The following TRPM3 variants were observed in gnomAD, a reference collection of about 807,000 sequenced individuals.
TRPM3 encodes the protein transient receptor potential cation channel subfamily M member 3.
Under a neutral mutation model 181.2 loss-of-function variants are expected in TRPM3, and 77 were observed. The observed-to-expected ratio is 0.42, with a 90% CI of 0.35 to 0.51. TRPM3 has a LOEUF of 0.51. Among genes scored for constraint, TRPM3 ranks in the 20% least tolerant of loss-of-function variants. The pLI is 0.01. For missense variants in TRPM3, 1,759 were observed against 2,196.7 expected, an observed-to-expected ratio of 0.80 and a Z score of 3.98; for synonymous variants, 745 against 796.4, an observed-to-expected ratio of 0.94 and a Z score of 1.09.
chr9:71,290,834 C>A (rs2085744769), intron 1 of TRPM3, among the ~76,000 whole-genome samples: 1 of 150,150 alleles, frequency 6.7e-6, no homozygotes, highest in Non-Finnish European at 1.5e-5. Flanking sequence ...TGTATAGGAC[C>A]TAAAAGAATG....
At chr9:71,091,197 A>G (rs938421079) in intron 1 of TRPM3, among the ~76,000 whole-genome samples, 28 of 152,300 alleles carry the variant, frequency 1.8e-4, no homozygotes, top group Admixed American at 1.6e-3. Flanking sequence ...GTATGCTGAC[A>G]GCTTTTATTA....
At chr9:71,071,663 G>C (rs879448326) in intron 1 of TRPM3, among the ~76,000 whole-genome samples, 12 of 152,176 alleles carry the variant, frequency 7.9e-5, no homozygotes, top group Non-Finnish European at 1.6e-4. Context: ...CTTGGTAGTA[G>C]AGTGATTAGA....
intron 1 of TRPM3, among the ~76,000 whole-genome samples, chr9:71,316,861 C>T (rs1312031054): frequency 6.6e-6 from 1 of 152,032 alleles, no homozygotes; most frequent in South Asian, 2.1e-4. Context: ...TTAATCTCAT[C>T]GTAAAGAAAA....
intron 22 of TRPM3, among the ~76,000 whole-genome samples, chr9:70,590,705 T>C (rs2057971068): frequency 6.6e-6 from 1 of 152,158 alleles, no homozygotes; most frequent in Admixed American, 6.5e-5. Context: ...TTCCTGATAC[T>C]GAAATATTCA....
chr9:71,383,410 T>C (rs552739407), intron 1 of TRPM3, among the ~76,000 whole-genome samples: 4 of 152,258 alleles, frequency 2.6e-5, no homozygotes, highest in African/African-American at 9.6e-5. Flanking sequence ...CTGGCTTTTG[T>C]TGGGTTCAGC....
chr9:70,777,045 G>GGCTAACAAGTAGCTAACAAGTAGCCAAC (rs2081496345), intron 7 of TRPM3, among the ~76,000 whole-genome samples: 1 of 152,110 alleles, frequency 6.6e-6, no homozygotes, highest in South Asian at 2.1e-4. Context: ...TGTTGTTGTT[G>GGCTAACAAGTAGCTAACAAGTAGCCAAC]TTGTTGTTAA....
intron 12 of TRPM3, among the ~76,000 whole-genome samples, chr9:70,629,963 T>C (rs1337025015): frequency 6.6e-6 from 1 of 152,214 alleles, no homozygotes; most frequent in African/African-American, 2.4e-5. Flanking sequence ...GGGATAGGTG[T>C]CCTGCGTGGA....
chr9:71,367,169 T>C (rs924917228), intron 1 of TRPM3, among the ~76,000 whole-genome samples: 1 of 152,166 alleles, frequency 6.6e-6, no homozygotes, highest in African/African-American at 2.4e-5. Context: ...ATACTGGCAA[T>C]GCTTTACCCC....
intron 6 of TRPM3, among the ~76,000 whole-genome samples, chr9:70,818,775 TACAG>T (rs2092915029): frequency 6.6e-6 from 1 of 152,226 alleles, no homozygotes. Flanking sequence ...AGAGCTCTAA[TACAG>T]ACAATGACTT....
chr9:71,200,425 C>T (rs2078703703), intron 1 of TRPM3, among the ~76,000 whole-genome samples: 1 of 150,394 alleles, frequency 6.6e-6, no homozygotes, highest in Non-Finnish European at 1.5e-5. Context: ...TCCTGGGTAT[C>T]CTTGTTAACT....
chr9:71,438,987 T>C (rs781572877), intron 1 of TRPM3, among the ~76,000 whole-genome samples: 1 of 152,164 alleles, frequency 6.6e-6, no homozygotes, highest in Non-Finnish European at 1.5e-5. Context: ...TTTCAATACA[T>C]AAAGAATCCA....
At chr9:70,869,750 A>G (rs566464108) in intron 1 of TRPM3, among the ~76,000 whole-genome samples, 2 of 152,106 alleles carry the variant, frequency 1.3e-5, no homozygotes, top group South Asian at 4.2e-4. Context: ...TTCCTTATTA[A>G]AAAGAGGTGA....
chr9:71,278,574 T>C (rs1162293741), intron 1 of TRPM3, among the ~76,000 whole-genome samples: 2 of 152,202 alleles, frequency 1.3e-5, no homozygotes, highest in African/African-American at 4.8e-5. Flanking sequence ...GAAAAGTACA[T>C]ATGCAACATC....
chr9:71,158,427 T>A (rs1323673668), intron 1 of TRPM3, among the ~76,000 whole-genome samples: 1 of 152,178 alleles, frequency 6.6e-6, no homozygotes, highest in Non-Finnish European at 1.5e-5. Context: ...ACCCACTAGC[T>A]GTAGACCTGT....
At chr9:71,056,219 T>C (rs1174635351) in intron 1 of TRPM3, among the ~76,000 whole-genome samples, 1 of 152,004 alleles carries the variant, frequency 6.6e-6, no homozygotes, top group South Asian at 2.1e-4. Context: ...TATATTCTAG[T>C]GTTTACAAAG....
intron 1 of TRPM3, among the ~76,000 whole-genome samples, chr9:71,330,286 T>G (rs989683841): frequency 6.6e-6 from 1 of 151,874 alleles, no homozygotes; most frequent in Non-Finnish European, 1.5e-5. Flanking sequence ...CTTTCAGAAA[T>G]ACACAGTAAC....
chr9:70,887,781 C>T (rs2132789384), intron 1 of TRPM3, among the ~76,000 whole-genome samples: 1 of 152,276 alleles, frequency 6.6e-6, no homozygotes, highest in Admixed American at 6.5e-5. Context: ...TGCCCCTTTA[C>T]CTCTATGTAC....
At position 70,536,804 on chromosome 9, in the gene TRPM3, C is replaced by G. The variant is rs767652253; in HGVS notation, c.4309G>C (p.Gly1437Arg). 3 of 1,614,058 alleles carry G rather than the reference C, an allele frequency of 1.9e-6. No individual in the cohort carries two copies. The highest frequency in any genetic ancestry group is 1.6e-4 in the Middle Eastern group (1 of 6,062). ...DPLDNSVNIL[G>R]LGEPSFSTPV... ...GTTGAAAAGCTTGGCTCGCCCAGCC[C>G]AAGGATGTTCACGGAATTGTCCAGA... is the stretch of plus-strand genomic sequence containing the variant. The change falls in exon 26 of 26, where the codon GGG becomes CGG. Residue 1437 changes from glycine to arginine, a missense_variant. Around this residue, in one of 8 missense-constraint regions of TRPM3, gnomAD observed 612 missense variants for 590.0 expected, o/e 1.04. Coordinates refer to ENST00000677713, the MANE Select transcript of TRPM3 (RefSeq NM_001366145.2).
At chr9:71,062,319 T>C (rs2061419627) in intron 1 of TRPM3, among the ~76,000 whole-genome samples, 1 of 152,218 alleles carries the variant, frequency 6.6e-6, no homozygotes, top group Middle Eastern at 3.4e-3. Flanking sequence ...AATGAGTCTT[T>C]AGGGCATTTC....
Sources: allele counts gnomAD v4.1 joint callset (sites outside exome capture counted in the v4.1 genomes callset), GRCh38; gene constraint gnomAD v4.1.1; regional missense constraint gnomAD v4.1.1; transcripts MANE v1.5; gene names NCBI Gene and HGNC (gene_info 2026-07-23, HGNC 2026-07-21).